RORA: variants seen among roughly 807,000 people sequenced by gnomAD.
RORA encodes nuclear receptor ROR-alpha.
A neutral mutation model predicts 69.5 loss-of-function variants in RORA; 7 were observed. The ratio of observed to expected loss-of-function variants is 0.10; its 90% CI spans 0.06 to 0.19. The LOEUF (loss-of-function observed/expected upper bound fraction) is 0.19. Among genes scored for constraint, RORA ranks in the 10% least tolerant of loss-of-function variants. The probability of loss-of-function intolerance (pLI) is 1.00; values close to 1 mark genes in which losing one functional copy is unlikely to be tolerated. For synonymous variants in RORA, 261 were observed against 240.8 expected (o/e 1.08, Z -0.78); for missense variants, 457 against 663.0 (o/e 0.69, Z 3.41).
chr15:60,912,950 G>T (rs1891772575), intron 1 of RORA, among the ~76,000 whole-genome samples: 1 of 152,152 alleles, frequency 6.6e-6, no homozygotes, highest in Admixed American at 6.5e-5. Flanking sequence ...GATATTTAAT[G>T]ATTTTTAGTA....
chr15:60,913,365 C>G (rs1891783537), intron 1 of RORA, among the ~76,000 whole-genome samples: 2 of 152,220 alleles, frequency 1.3e-5, no homozygotes, highest in Admixed American at 6.5e-5. Context: ...GTGATCAGCC[C>G]CTCCACCCCA....
intron 1 of RORA, among the ~76,000 whole-genome samples, chr15:60,916,291 A>G (rs955402555): frequency 6.6e-6 from 1 of 152,218 alleles, no homozygotes; most frequent in East Asian, 1.9e-4. Context: ...CTGATTGGCC[A>G]GGGATTGCAC....
intron 2 of RORA, among the ~76,000 whole-genome samples, chr15:60,548,206 C>T (rs529343864): frequency 2.6e-5 from 4 of 152,300 alleles, no homozygotes; most frequent in Admixed American, 1.3e-4. Context: ...TAGTCGTCGG[C>T]ATGGTTTCTG....
chr15:60,730,530 C>G (rs1013819026), intron 1 of RORA, among the ~76,000 whole-genome samples: 3 of 152,198 alleles, frequency 2.0e-5, no homozygotes, highest in African/African-American at 7.2e-5. Context: ...TTTCACTTCC[C>G]CTGCATTCCT....
intron 1 of RORA, among the ~76,000 whole-genome samples, chr15:61,140,528 A>G (rs1392165870): frequency 2.0e-5 from 3 of 152,206 alleles, no homozygotes; most frequent in Non-Finnish European, 4.4e-5. Context: ...GCCCCGATCC[A>G]GAGCAATGGA....
chr15:60,654,723 A>G (rs1340726112), intron 2 of RORA, among the ~76,000 whole-genome samples: 1 of 152,218 alleles, frequency 6.6e-6, no homozygotes, highest in African/African-American at 2.4e-5. Context: ...AGGGTGAAAC[A>G]CAGAAGGTGA....
In RORA at chr15:60,861,541, G is replaced by A. The variant is rs144546537; in HGVS notation, c.167-182855C>T. ...ATAGATAGATTGACTGATTGATTGA[G>A]ATGAGTCTCACTATGTTGCCCAGGC... is the stretch of plus-strand genomic sequence containing the variant. On this transcript the variant is annotated intron_variant, in intron 1 of 10. Coordinates refer to ENST00000335670, the MANE Select transcript of RORA (RefSeq NM_134261.3). 1.9e-4 allele frequency among the ~76,000 whole-genome samples: 29 copies of A among 152,242 alleles called. 1 individual carries two copies. Among genetic ancestry groups the A allele is most frequent in the African/African-American group, 7.0e-4 (29 of 41,566 alleles).
intron 5 of RORA, among the ~76,000 whole-genome samples, chr15:60,508,295 C>A (rs1035905307): frequency 6.6e-6 from 1 of 152,168 alleles, no homozygotes; most frequent in African/African-American, 2.4e-5. Context: ...ATGACTGCTT[C>A]AGCAATACAG....
chr15:61,019,273 G>A (rs1379661366), intron 1 of RORA, among the ~76,000 whole-genome samples: 1 of 152,138 alleles, frequency 6.6e-6, no homozygotes, highest in Admixed American at 6.5e-5. Context: ...AACCCCATTT[G>A]TTCTCAGGAA....
chr15:60,567,413 A>G (rs551050420), intron 2 of RORA, among the ~76,000 whole-genome samples: 5 of 147,450 alleles, frequency 3.4e-5, no homozygotes, highest in Middle Eastern at 3.5e-3. Context: ...TATTATTATT[A>G]TTATTTTTTT....
chr15:60,836,452 AG>A (rs1402964358), intron 1 of RORA, among the ~76,000 whole-genome samples: 1 of 152,158 alleles, frequency 6.6e-6, no homozygotes, highest in Non-Finnish European at 1.5e-5. Flanking sequence ...CCTGTCCAGA[AG>A]TGAAGGTCCC....
intron 1 of RORA, among the ~76,000 whole-genome samples, chr15:61,156,793 A>C (rs1254126218): frequency 3.3e-5 from 5 of 152,216 alleles, no homozygotes. Flanking sequence ...TGTCAAAGTC[A>C]CACTTTTATA....
intron 1 of RORA, among the ~76,000 whole-genome samples, chr15:61,003,671 C>T (rs1049653096): frequency 1.3e-5 from 2 of 152,154 alleles, no homozygotes; most frequent in African/African-American, 4.8e-5. Context: ...AAGTCTATTT[C>T]ATGTCCTTTC....
chr15:60,602,661 G>C (rs2068846441), intron 2 of RORA, among the ~76,000 whole-genome samples: 1 of 152,114 alleles, frequency 6.6e-6, no homozygotes, highest in South Asian at 2.1e-4. Context: ...TTATCAACTA[G>C]AACTACTGTA....
At chr15:61,017,804 A>G (rs1328262408) in intron 1 of RORA, among the ~76,000 whole-genome samples, 1 of 152,154 alleles carries the variant, frequency 6.6e-6, no homozygotes, top group East Asian at 1.9e-4. Context: ...TCCATTTCTA[A>G]CCTTCCTGGA....
intron 1 of RORA, among the ~76,000 whole-genome samples, chr15:61,055,690 AC>A (rs532814356): frequency 6.6e-6 from 1 of 152,370 alleles, no homozygotes; most frequent in African/African-American, 2.4e-5. Flanking sequence ...ATCATCCTGA[AC>A]TTTTATCACA....
intron 1 of RORA, among the ~76,000 whole-genome samples, chr15:60,777,656 A>T (rs2072190675): frequency 6.6e-6 from 1 of 152,160 alleles, no homozygotes; most frequent in African/African-American, 2.4e-5. Context: ...TCATTTTAAC[A>T]TCCTTATTCA....
At chr15:61,054,668 C>T (rs1315555201) in intron 1 of RORA, among the ~76,000 whole-genome samples, 1 of 152,084 alleles carries the variant, frequency 6.6e-6, no homozygotes. Context: ...TTTTGAGGTG[C>T]TGGTGGTATA....
chr15:61,020,130 C>T (rs913228135), intron 1 of RORA, among the ~76,000 whole-genome samples: 1 of 152,202 alleles, frequency 6.6e-6, no homozygotes, highest in Non-Finnish European at 1.5e-5. Context: ...CCTTCCAAAT[C>T]CTAATGTGGC....
Sources: allele counts gnomAD v4.1 joint callset (sites outside exome capture counted in the v4.1 genomes callset), GRCh38; gene constraint gnomAD v4.1.1; transcripts MANE v1.5; gene names NCBI Gene and HGNC (gene_info 2026-07-23, HGNC 2026-07-21).